The following SMURF2 variants were observed in gnomAD, a reference collection of about 807,000 sequenced individuals.
SMURF2 encodes SMAD specific E3 ubiquitin protein ligase 2.
Under a neutral mutation model 109.6 loss-of-function variants are expected in SMURF2, and 48 were observed. That is an observed-to-expected ratio of 0.44 (90% CI 0.35 to 0.56). SMURF2 has a LOEUF of 0.56. SMURF2 is among the 20% of genes least tolerant of loss of function. The pLI, the probability that SMURF2 is intolerant of heterozygous loss-of-function variation, is 0.01. For missense variants in SMURF2, 575 were observed against 909.0 expected (o/e 0.63, Z 4.72); for synonymous variants, 288 against 317.1 (o/e 0.91, Z 0.97).
At chr17:64,553,729 C>T (rs16947871) in intron 15 of SMURF2, among the ~76,000 whole-genome samples, 8,081 of 152,120 alleles carry the variant, frequency 0.053, 312 homozygotes, top group Admixed American at 0.14. Flanking sequence ...TCCCCGTATT[C>T]GTTCAGTTAC....
chr17:64,613,458 G>A (rs1970072336), intron 1 of SMURF2, among the ~76,000 whole-genome samples: 1 of 152,126 alleles, frequency 6.6e-6, no homozygotes, highest in South Asian at 2.1e-4. Flanking sequence ...GGCAGTGTGG[G>A]AGAAGTTTCA....
rs1417464778 is a variant in SMURF2, at chr17:64,652,643, C to T, written c.52+9186G>A. On this transcript the variant is annotated intron_variant, in intron 1 of 18. Transcript: ENST00000262435. Reference sequence around the variant, plus strand: ...GCTGGGATGACAGGCACCTGCCACACACCTGGCTAATTTTTTATTTTTAGT... The same window carrying T: ...GCTGGGATGACAGGCACCTGCCACATACCTGGCTAATTTTTTATTTTTAGT... Among the ~76,000 whole-genome samples, 4 of 152,156 alleles carry T rather than the reference C, an allele frequency of 2.6e-5. No individual in the cohort carries two copies. The South Asian group carries it at 8.3e-4, about 32-fold the overall frequency.
chr17:64,638,125 C>T (rs1276522426), intron 1 of SMURF2, among the ~76,000 whole-genome samples: 3 of 145,254 alleles, frequency 2.1e-5, no homozygotes, highest in East Asian at 2.0e-4. Flanking sequence ...TGCAGTGGCA[C>T]GATCTTGGCG....
At chr17:64,650,428 A>G (rs1435704045) in intron 1 of SMURF2, among the ~76,000 whole-genome samples, 1 of 152,056 alleles carries the variant, frequency 6.6e-6, no homozygotes, top group East Asian at 1.9e-4. Flanking sequence ...ACAAGCACAG[A>G]GAAAATAAGT....
chr17:64,639,377 G>A (rs1970463982), intron 1 of SMURF2, among the ~76,000 whole-genome samples: 1 of 152,050 alleles, frequency 6.6e-6, no homozygotes, highest in Non-Finnish European at 1.5e-5. Flanking sequence ...AGGAGTTCCA[G>A]ACCGGCCTGA....
intron 12 of SMURF2, among the ~76,000 whole-genome samples, chr17:64,559,753 A>T (rs138977172): frequency 2.9e-4 from 42 of 143,416 alleles, no homozygotes; most frequent in African/African-American, 7.9e-4. Flanking sequence ...AAAAAAAAAA[A>T]TTTTTTTTTT....
intron 1 of SMURF2, among the ~76,000 whole-genome samples, chr17:64,618,061 C>T (rs1215679647): frequency 7.2e-5 from 11 of 152,000 alleles, no homozygotes; most frequent in African/African-American, 1.9e-4. Flanking sequence ...TTTTACTTAT[C>T]GTGATCAGAG....
At chr17:64,636,495 C>T (rs376631365) in intron 1 of SMURF2, among the ~76,000 whole-genome samples, 8 of 147,862 alleles carry the variant, frequency 5.4e-5, no homozygotes, top group East Asian at 4.1e-4. Context: ...CCCGGCTACG[C>T]GGGAGGCTGA....
chr17:64,603,530 C>T (rs1399610907), intron 2 of SMURF2, among the ~76,000 whole-genome samples: 6 of 148,740 alleles, frequency 4.0e-5, no homozygotes, highest in Non-Finnish European at 8.9e-5. Context: ...TGCAGTGAGC[C>T]GAGATCACGC....
At chr17:64,640,209 C>T (rs1555692461) in intron 1 of SMURF2, among the ~76,000 whole-genome samples, 2 of 152,074 alleles carry the variant, frequency 1.3e-5, no homozygotes, top group African/African-American at 4.8e-5. Context: ...AAATTGTGTT[C>T]AGTTCTCAGA....
At chr17:64,623,095 C>T (rs1970225920) in intron 1 of SMURF2, among the ~76,000 whole-genome samples, 1 of 152,116 alleles carries the variant, frequency 6.6e-6, no homozygotes, top group African/African-American at 2.4e-5. Flanking sequence ...AGAGCTCTTT[C>T]TTACTGATGG....
At chr17:64,559,499 T>A (rs1223364488) in intron 12 of SMURF2, among the ~76,000 whole-genome samples, 1 of 151,584 alleles carries the variant, frequency 6.6e-6, no homozygotes, top group African/African-American at 2.4e-5. Context: ...AGACTGAGGC[T>A]GGAGAATCGC....
Position 64,634,189 on chromosome 17 carries a change from T to C in SMURF2, c.53-27549A>G, listed in dbSNP as rs1555691878. ...AAACAAAAAGAGAATAACTGGCTGCTAGCATTCTTGGAGCTAAGTAATACA... is the reference window on the plus strand; with the variant it reads ...AAACAAAAAGAGAATAACTGGCTGCCAGCATTCTTGGAGCTAAGTAATACA... On this transcript the variant is annotated intron_variant, in intron 1 of 18. Coordinates refer to ENST00000262435, the MANE Select transcript of SMURF2 (RefSeq NM_022739.4). 2.0e-5 allele frequency among the ~76,000 whole-genome samples: 3 copies of C among 152,176 alleles called. No individual in the cohort carries two copies. The South Asian group carries it at 6.2e-4, about 31-fold the overall frequency.
At chr17:64,596,404 G>A (rs1162405361) in intron 3 of SMURF2, among the ~76,000 whole-genome samples, 2 of 151,672 alleles carry the variant, frequency 1.3e-5, no homozygotes, top group Non-Finnish European at 2.9e-5. Flanking sequence ...GAAGATAATG[G>A]AGCAATGTAT....
chr17:64,638,493 G>A (rs1168581086), intron 1 of SMURF2, among the ~76,000 whole-genome samples: 5 of 152,198 alleles, frequency 3.3e-5, no homozygotes, highest in African/African-American at 9.6e-5. Flanking sequence ...AAGCCACCAC[G>A]CTCAGCCTGT....
intron 10 of SMURF2, among the ~76,000 whole-genome samples, chr17:64,564,547 A>G (rs940818917): frequency 6.6e-6 from 1 of 152,192 alleles, no homozygotes; most frequent in Admixed American, 6.5e-5. Flanking sequence ...AGGTAAGATC[A>G]TACTGGATTA....
At chr17:64,557,509 T>C in intron 13 of SMURF2, 99 bp downstream of exon 13, 2 of 854,572 alleles carry the variant, frequency 2.3e-6, no homozygotes, top group Non-Finnish European at 3.7e-6. Flanking sequence ...AGGGCACAAC[T>C]AAGACAAGGA....
At chr17:64,578,010 T>G (rs1390527454) in intron 9 of SMURF2, among the ~76,000 whole-genome samples, 2 of 149,820 alleles carry the variant, frequency 1.3e-5, no homozygotes, top group African/African-American at 4.9e-5. Flanking sequence ...AGTGGCGTGA[T>G]CTCAGCTCAC....
chr17:64,566,560 G>GTTTTTTTT (rs1969305308), intron 10 of SMURF2, among the ~76,000 whole-genome samples: 2 of 36,430 alleles, frequency 5.5e-5, no homozygotes, highest in East Asian at 1.2e-3. Context: ...TAAGCTTTCT[G>GTTTTTTTT]GTTTTTTTTT....
Sources: gnomAD v4.1 joint callset for allele counts (sites outside exome capture counted in the v4.1 genomes callset) on GRCh38, gnomAD v4.1.1 for gene constraint, MANE v1.5 for transcripts, NCBI Gene and HGNC (gene_info 2026-07-23, HGNC 2026-07-21) for gene names.